Variants in KHDRBS2 observed in about 807,000 individuals in gnomAD.
KHDRBS2 encodes the protein KH RNA binding domain containing, signal transduction associated 2.
KHDRBS2 carries 26 observed loss-of-function variants against 44.3 expected under a neutral mutation model. That is an observed-to-expected ratio of 0.59 (90% CI 0.43 to 0.81). The LOEUF is 0.81. Ranked by LOEUF, KHDRBS2 falls within the 40% of genes least tolerant of loss-of-function variation. The pLI, the probability that KHDRBS2 is intolerant of heterozygous loss-of-function variation, is 0.00. For missense variants in KHDRBS2, 476 were observed against 433.1 expected (o/e 1.10, Z -0.88); for synonymous variants, 194 against 151.1 (o/e 1.28, Z -2.08).
At chr6:61,588,206 C>T in the KHDRBS2 span, among the ~76,000 whole-genome samples, 1 of 152,080 alleles carries the variant, frequency 6.6e-6, no homozygotes, top group African/African-American at 2.4e-5. Flanking sequence ...TGCTTGTTCA[C>T]TTTGTAAATT....
chr6:61,946,393 C>A (rs1813379872), intron 4 of KHDRBS2, among the ~76,000 whole-genome samples: 1 of 152,198 alleles, frequency 6.6e-6, no homozygotes, highest in Non-Finnish European at 1.5e-5. Context: ...GTCATCCATG[C>A]TGCTGTCTTG....
intron 1 of KHDRBS2, among the ~76,000 whole-genome samples, chr6:62,211,849 A>C (rs1829103391): frequency 6.6e-6 from 1 of 152,204 alleles, no homozygotes; most frequent in Non-Finnish European, 1.5e-5. Flanking sequence ...ATAAAGATAC[A>C]TGCACACGTA....
chr6:61,962,296 G>A (rs1192458), intron 4 of KHDRBS2, among the ~76,000 whole-genome samples: 99,823 of 151,866 alleles, frequency 0.66, 32,978 homozygotes, highest in African/African-American at 0.73. Flanking sequence ...AAAGAAACAT[G>A]ACTTCTCTTG....
At chr6:61,890,053 T>G (rs1801585497) in intron 6 of KHDRBS2, among the ~76,000 whole-genome samples, 1 of 152,208 alleles carries the variant, frequency 6.6e-6, no homozygotes. Flanking sequence ...AGCACTTATC[T>G]CTACCTCATT....
chr6:62,097,713 T>C (rs1800926835), intron 2 of KHDRBS2, among the ~76,000 whole-genome samples: 1 of 152,134 alleles, frequency 6.6e-6, no homozygotes, highest in Admixed American at 6.5e-5. Flanking sequence ...AATACATTTA[T>C]ATTTAAGGTA....
chr6:62,002,292 G>A (rs1031379083), intron 3 of KHDRBS2, among the ~76,000 whole-genome samples: 3 of 150,680 alleles, frequency 2.0e-5, no homozygotes, highest in Non-Finnish European at 4.4e-5. Flanking sequence ...TATTGGATAA[G>A]TGCTTTTCTC....
chr6:62,014,955 T>A (rs553220526), intron 3 of KHDRBS2, among the ~76,000 whole-genome samples: 1 of 152,264 alleles, frequency 6.6e-6, no homozygotes, highest in African/African-American at 2.4e-5. Flanking sequence ...TAGCTTTGGT[T>A]TTCTTATGTG....
intron 4 of KHDRBS2, among the ~76,000 whole-genome samples, chr6:61,934,284 G>A (rs1810631962): frequency 1.3e-5 from 2 of 151,900 alleles, no homozygotes; most frequent in African/African-American, 4.8e-5. Context: ...CCCTTGTTGT[G>A]CAGAAACTTT....
At chr6:61,597,732 TTATA>T in the KHDRBS2 span, among the ~76,000 whole-genome samples, 144 of 37,426 alleles carry the variant, frequency 3.8e-3, 11 homozygotes, top group East Asian at 0.019. Context: ...TTTGCACCTT[TTATA>T]TATATATATA....
chr6:61,657,414 G>T, the KHDRBS2 span, among the ~76,000 whole-genome samples: 456 of 151,928 alleles, frequency 3.0e-3, 4 homozygotes, highest in African/African-American at 0.011. Context: ...ATTCCACTGG[G>T]AACATATGAA....
intron 1 of KHDRBS2, among the ~76,000 whole-genome samples, chr6:62,245,283 G>A (rs183511667): frequency 1.4e-4 from 22 of 151,958 alleles, no homozygotes; most frequent in Admixed American, 1.4e-3. Flanking sequence ...TGTCATCTCT[G>A]TTGCCCAGAG....
intron 7 of KHDRBS2, among the ~76,000 whole-genome samples, chr6:61,723,582 C>A (rs1486353077): frequency 3.3e-5 from 5 of 150,938 alleles, no homozygotes; most frequent in African/African-American, 7.3e-5. Flanking sequence ...AACAAAAAAA[C>A]AACAATACAG....
intron 6 of KHDRBS2, among the ~76,000 whole-genome samples, chr6:61,832,793 T>G (rs2127263747): frequency 6.6e-6 from 1 of 152,292 alleles, no homozygotes; most frequent in South Asian, 2.1e-4. Flanking sequence ...CTAAGATACC[T>G]GTGAGATGGC....
At chr6:62,097,181 G>T (rs576487626) in intron 2 of KHDRBS2, among the ~76,000 whole-genome samples, 169 of 151,502 alleles carry the variant, frequency 1.1e-3, no homozygotes, top group Non-Finnish European at 1.7e-3. Flanking sequence ...TTCATGTGCT[G>T]TTGAGTAGAG....
At chr6:61,848,494 T>TATATATAC (rs1562293711) in intron 6 of KHDRBS2, among the ~76,000 whole-genome samples, 17 of 50,574 alleles carry the variant, frequency 3.4e-4, no homozygotes, top group Non-Finnish European at 5.4e-4. Flanking sequence ...TATATATGTA[T>TATATATAC]ATATATATAT....
intron 6 of KHDRBS2, among the ~76,000 whole-genome samples, chr6:61,812,230 C>T (rs1788229738): frequency 6.6e-6 from 1 of 151,868 alleles, no homozygotes; most frequent in South Asian, 2.1e-4. Context: ...TTTCAGCACT[C>T]TTTAAAATAA....
intron 2 of KHDRBS2, among the ~76,000 whole-genome samples, chr6:62,089,726 C>T (rs753157239): frequency 1.3e-5 from 2 of 152,154 alleles, no homozygotes; most frequent in Non-Finnish European, 2.9e-5. Flanking sequence ...ATAGTAAGTA[C>T]AAATTTTCTG....
At chr6:61,770,188 G>C (rs759869446) in intron 6 of KHDRBS2, among the ~76,000 whole-genome samples, 4 of 152,052 alleles carry the variant, frequency 2.6e-5, no homozygotes, top group Non-Finnish European at 5.9e-5. Context: ...CCATCTGTAC[G>C]TCACTATCAT....
intron 2 of KHDRBS2, among the ~76,000 whole-genome samples, chr6:62,059,341 G>A (rs1308446957): frequency 2.7e-5 from 4 of 150,344 alleles, no homozygotes; most frequent in East Asian, 2.0e-4. Flanking sequence ...AGATGTAGTG[G>A]AGCAGGAAAA....
Sources: allele counts gnomAD v4.1 joint callset (sites outside exome capture counted in the v4.1 genomes callset), GRCh38; gene constraint gnomAD v4.1.1; transcripts MANE v1.5; gene names NCBI Gene and HGNC (gene_info 2026-07-23, HGNC 2026-07-21).